Variants in BRCA1 observed in about 807,000 individuals in gnomAD.
BRCA1 encodes breast cancer type 1 susceptibility protein.
In BRCA1, 140 loss-of-function variants were observed where a neutral mutation model predicts 173.7. The ratio of observed to expected loss-of-function variants is 0.81; its 90% confidence interval spans 0.70 to 0.93. The LOEUF (loss-of-function observed/expected upper bound fraction) is 0.93, where lower values mean the gene tolerates loss of function less well. Ranked by LOEUF, BRCA1 falls within the 40% of genes least tolerant of loss-of-function variation. BRCA1 has a pLI of 0.00. For missense variants in BRCA1, 1,983 were observed against 2,172.5 expected, an observed-to-expected ratio of 0.91 and a Z score of 1.73; for synonymous variants, 662 against 756.0, an observed-to-expected ratio of 0.88 and a Z score of 2.04.
At chr17:43,054,828 C>T (rs941144050) in intron 19 of BRCA1, among the ~76,000 whole-genome samples, 4 of 151,634 alleles carry the variant, frequency 2.6e-5, no homozygotes, top group Admixed American at 6.6e-5. Flanking sequence ...CTGCAACCTC[C>T]GCCTCCTGGG....
chr17:43,126,954 T>TA (rs1655747178), upstream of BRCA1, among the ~76,000 whole-genome samples: 1 of 152,110 alleles, frequency 6.6e-6, no homozygotes, highest in Admixed American at 6.5e-5. Flanking sequence ...GTCAGGGGCC[T>TA]AGCACCCGGG....
At chr17:43,082,280 TA>T in intron 12 of BRCA1, 123 bp downstream of exon 12, 3 of 1,099,480 alleles carry the variant, frequency 2.7e-6, no homozygotes, top group Non-Finnish European at 2.6e-6. Flanking sequence ...CAAGGCTCCA[TA>T]ATTACCCATG....
chr17:43,131,412 C>T, intron 1 of BRCA1: 4 of 345,208 alleles, frequency 1.2e-5, no homozygotes, highest in South Asian at 2.2e-5. Context: ...AACAATGAGA[C>T]ATGCAAGAGA....
At chr17:43,073,847 C>T (rs1329836924) in intron 14 of BRCA1, among the ~76,000 whole-genome samples, 2 of 151,996 alleles carry the variant, frequency 1.3e-5, no homozygotes, top group African/African-American at 2.4e-5. Flanking sequence ...CTCCGCCTCC[C>T]GGGTTCAAGT....
At chr17:43,168,788 C>T (rs1036501480) in intron 1 of BRCA1, among the ~76,000 whole-genome samples, 1 of 152,194 alleles carries the variant, frequency 6.6e-6, no homozygotes, top group African/African-American at 2.4e-5. Context: ...CCCTTTGGGT[C>T]TTTTCCTTTC....
intron 7 of BRCA1, 57 bp downstream of exon 7, chr17:43,099,716 CTA>C: frequency 1.4e-6 from 2 of 1,463,734 alleles, no homozygotes; most frequent in African/African-American, 1.4e-5. Flanking sequence ...TTTGGCAAAA[CTA>C]TAAGATAAGG....
chr17:43,132,217 C>T (rs2055973071), intron 1 of BRCA1, among the ~76,000 whole-genome samples: 1 of 152,102 alleles, frequency 6.6e-6, no homozygotes, highest in South Asian at 2.1e-4. Context: ...GGCTGAGGGC[C>T]AAGGGGGGTT....
intron 1 of BRCA1, among the ~76,000 whole-genome samples, chr17:43,124,396 CG>C (rs2055768488): frequency 6.6e-6 from 1 of 152,100 alleles, no homozygotes; most frequent in South Asian, 2.1e-4. Context: ...AGTGACTGAC[CG>C]GGTAGGTGGT....
At chr17:43,115,242 G>A (rs962807449) in intron 3 of BRCA1, among the ~76,000 whole-genome samples, 4 of 152,112 alleles carry the variant, frequency 2.6e-5, no homozygotes, top group Admixed American at 6.6e-5. Context: ...GGTGGCTCAC[G>A]CCTGTAATCC....
At chr17:43,087,745 T>C (rs1439246781) in intron 11 of BRCA1, among the ~76,000 whole-genome samples, 9 of 152,136 alleles carry the variant, frequency 5.9e-5, no homozygotes, top group Admixed American at 3.9e-4. Flanking sequence ...TCTGGATTTC[T>C]TGTTTTTGAG....
At chr17:43,054,049 T>C (rs746395832) in intron 19 of BRCA1, among the ~76,000 whole-genome samples, 5 of 152,164 alleles carry the variant, frequency 3.3e-5, no homozygotes, top group Non-Finnish European at 5.9e-5. Context: ...TGGTGACATT[T>C]AGTATTTTCA....
Position 43,064,188 on chromosome 17 carries a change from G to T in BRCA1, c.5075-237C>A, listed in dbSNP as rs8176257. On this transcript the variant is annotated intron_variant, in intron 16 of 22. Coordinates refer to ENST00000357654, the MANE Select transcript of BRCA1 (RefSeq NM_007294.4). Reference sequence around the variant, plus strand: ...GAAGTTAAGACCAGAGGAAATATCTGTCCACTCCCTCTTCTCAACACCCAT... The same window carrying T: ...GAAGTTAAGACCAGAGGAAATATCTTTCCACTCCCTCTTCTCAACACCCAT... 0.24 allele frequency among the ~76,000 whole-genome samples: 36,075 copies of T among 152,102 alleles called. 4,723 individuals carry two copies. Among genetic ancestry groups the T allele is most frequent in the South Asian group, 0.46 (2,210 of 4,810 alleles).
chr17:43,104,099 A>G (rs1325527955), intron 6 of BRCA1, 23 bp downstream of exon 6: 2 of 1,602,300 alleles, frequency 1.2e-6, no homozygotes, highest in African/African-American at 2.7e-5. Context: ...GAAGAAGAAG[A>G]AGAAGAAAAC....
chr17:43,058,101 C>G (rs1253948332), intron 18 of BRCA1, among the ~76,000 whole-genome samples: 1 of 151,180 alleles, frequency 6.6e-6, no homozygotes, highest in Non-Finnish European at 1.5e-5. Flanking sequence ...TGGCTCACAC[C>G]TATAACCCTA....
intron 13 of BRCA1, among the ~76,000 whole-genome samples, 171 bp from the exon 14 acceptor site, chr17:43,074,692 C>CAAT (rs2052627413): frequency 6.6e-6 from 1 of 150,630 alleles, no homozygotes; most frequent in South Asian, 2.2e-4. Context: ...TGTTGCCTGC[C>CAAT]AATATGTCAG....
chr17:43,127,928 G>T (rs140809321), upstream of BRCA1, among the ~76,000 whole-genome samples: 1 of 150,844 alleles, frequency 6.6e-6, no homozygotes, highest in East Asian at 2.0e-4. Flanking sequence ...GGAGGTTGAG[G>T]CAGGAGAATG....
intron 1 of BRCA1, chr17:43,163,582 T>C (rs2056249810): frequency 6.6e-6 from 1 of 152,246 alleles, no homozygotes; most frequent in African/African-American, 2.4e-5. Flanking sequence ...TTCTCTCGCT[T>C]TACAATGTCT....
intron 3 of BRCA1, among the ~76,000 whole-genome samples, chr17:43,111,563 T>G (rs2055036013): frequency 6.7e-6 from 1 of 149,334 alleles, no homozygotes; most frequent in South Asian, 2.1e-4. Flanking sequence ...GGCTCACACT[T>G]GTAATCCCAG....
Position 43,091,665 on chromosome 17 carries a change from G to A in BRCA1, c.3866C>T (p.Thr1289Ile), listed in dbSNP as rs2154280244. 6.2e-7 allele frequency: 1 copy of A among 1,614,184 alleles called. No homozygotes were observed. Among genetic ancestry groups the A allele is most frequent in the Non-Finnish European group, 8.5e-7 (1 of 1,180,022 alleles). Residue 1289 changes from threonine to isoleucine, a missense_variant, in exon 10 of 23, where the codon ACA becomes ATA. Thr to Ile is a moderately conservative substitution (Grantham distance 89). Coordinates refer to ENST00000357654, the MANE Select transcript of BRCA1 (RefSeq NM_007294.4). ...AGAAAACAAGCTAGCAGAACATTTT[G>A]TTTCCTCACTAAGGTGATGTTCCTG... ...ASQEHHLSEE[T>I]KCSASLFSSQ...
Sources: allele counts gnomAD v4.1 joint callset (sites outside exome capture counted in the v4.1 genomes callset), GRCh38; gene constraint gnomAD v4.1.1; transcripts MANE v1.5; gene names NCBI Gene and HGNC (gene_info 2026-07-23, HGNC 2026-07-21).